SLC8A1: variants seen among roughly 807,000 people sequenced by gnomAD.
The protein encoded by SLC8A1 is solute carrier family 8 member A1, also known as sodium/calcium exchanger 1.
A neutral mutation model predicts 68.3 loss-of-function variants in SLC8A1; 18 were observed. The ratio of observed to expected loss-of-function variants is 0.26; its 90% CI spans 0.18 to 0.39. The LOEUF (loss-of-function observed/expected upper bound fraction) is 0.39. SLC8A1 is among the 10% of genes least tolerant of loss of function. The pLI is 1.00. For missense variants in SLC8A1, 985 were observed against 1,156.7 expected (o/e 0.85, Z 2.15); for synonymous variants, 475 against 415.5 (o/e 1.14, Z -1.74).
chr2:40,117,760 C>A (rs1298513527), intron 7 of SLC8A1, among the ~76,000 whole-genome samples: 1 of 152,130 alleles, frequency 6.6e-6, no homozygotes, highest in Non-Finnish European at 1.5e-5. Flanking sequence ...TGTAGTTGTA[C>A]GATACCTGTA....
At chr2:40,339,647 T>C (rs746563372) in intron 2 of SLC8A1, among the ~76,000 whole-genome samples, 2 of 152,204 alleles carry the variant, frequency 1.3e-5, no homozygotes, top group Non-Finnish European at 2.9e-5. Context: ...TATGATTCCA[T>C]TGTCAATATC....
intron 1 of SLC8A1, among the ~76,000 whole-genome samples, chr2:40,443,994 A>C (rs1189087296): frequency 6.6e-6 from 1 of 152,140 alleles, no homozygotes; most frequent in Non-Finnish European, 1.5e-5. Flanking sequence ...ACCCATCTCA[A>C]ATGTCAAATT....
At chr2:40,210,152 C>G (rs1337295444) in intron 2 of SLC8A1, 1 of 152,148 alleles carries the variant, frequency 6.6e-6, no homozygotes, top group Non-Finnish European at 1.5e-5. Flanking sequence ...TACCAATCAG[C>G]TATGGCTCCA....
chr2:40,338,183 G>A (rs1490481130), intron 2 of SLC8A1, among the ~76,000 whole-genome samples: 1 of 152,060 alleles, frequency 6.6e-6, no homozygotes. Flanking sequence ...TAGTGGGGTA[G>A]CATCATGCAT....
upstream of SLC8A1, among the ~76,000 whole-genome samples, chr2:40,454,456 T>G (rs1702872785): frequency 6.6e-6 from 1 of 151,454 alleles, no homozygotes. Context: ...TATACTCCAG[T>G]GATGCCCAAA....
chr2:40,173,518 C>A (rs1478104618), intron 4 of SLC8A1, among the ~76,000 whole-genome samples: 1 of 152,116 alleles, frequency 6.6e-6, no homozygotes, highest in African/African-American at 2.4e-5. Flanking sequence ...TGGAGAGCAA[C>A]AGCCCATGTG....
intron 2 of SLC8A1, among the ~76,000 whole-genome samples, chr2:40,305,597 C>G (rs1220328506): frequency 6.6e-6 from 1 of 152,138 alleles, no homozygotes; most frequent in Non-Finnish European, 1.5e-5. Context: ...AGTGTGTGCT[C>G]AATAAGTTTG....
chr2:40,232,626 T>A (rs1349188920), intron 2 of SLC8A1, among the ~76,000 whole-genome samples: 3 of 147,762 alleles, frequency 2.0e-5, no homozygotes, highest in African/African-American at 7.5e-5. Flanking sequence ...ATACTTTAAG[T>A]TTTAGGGTAC....
At chr2:40,321,031 C>G (rs897814112) in intron 2 of SLC8A1, among the ~76,000 whole-genome samples, 2 of 152,272 alleles carry the variant, frequency 1.3e-5, no homozygotes, top group South Asian at 2.1e-4. Context: ...AGGCTGTAAA[C>G]TCCCTGAATT....
At chr2:40,241,943 T>C (rs1173466375) in intron 2 of SLC8A1, among the ~76,000 whole-genome samples, 1 of 152,134 alleles carries the variant, frequency 6.6e-6, no homozygotes, top group Non-Finnish European at 1.5e-5. Flanking sequence ...ATATAGAAAA[T>C]ATTAATTATT....
At chr2:40,135,554 C>T (rs536409566) in intron 7 of SLC8A1, among the ~76,000 whole-genome samples, 2 of 152,130 alleles carry the variant, frequency 1.3e-5, no homozygotes, top group East Asian at 3.9e-4. Context: ...CCTCTCTCTA[C>T]TAAAAATACA....
At chr2:40,492,722 C>T (rs1705404801) in intron 1 of SLC8A1, among the ~76,000 whole-genome samples, 1 of 149,050 alleles carries the variant, frequency 6.7e-6, no homozygotes, top group Non-Finnish European at 1.5e-5. Flanking sequence ...GACATTTATG[C>T]AGCCAAAAAA....
At chr2:40,173,124 A>T (rs2047829197) in intron 4 of SLC8A1, among the ~76,000 whole-genome samples, 1 of 152,154 alleles carries the variant, frequency 6.6e-6, no homozygotes, top group African/African-American at 2.4e-5. Flanking sequence ...GGTTGACTTA[A>T]AAACATTATT....
intron 2 of SLC8A1, among the ~76,000 whole-genome samples, chr2:40,385,354 T>C (rs1683225685): frequency 6.8e-6 from 1 of 146,752 alleles, no homozygotes; most frequent in African/African-American, 2.7e-5. Context: ...TTAAAGAAAG[T>C]TGTCTTGAAT....
exon 8 of SLC8A1, chr2:40,100,798 A>G (rs2033848749): frequency 6.6e-6 from 1 of 152,144 alleles, no homozygotes; most frequent in Non-Finnish European, 1.5e-5. Context: ...CACAGATTTT[A>G]AAGCACACGG....
intron 7 of SLC8A1, among the ~76,000 whole-genome samples, chr2:40,135,100 G>GA (rs113621278): frequency 1.3e-5 from 2 of 152,026 alleles, no homozygotes; most frequent in African/African-American, 4.8e-5. Flanking sequence ...TGTGTGGATA[G>GA]AAAAAAAGGC....
At chr2:40,247,145 G>GAATC in intron 2 of SLC8A1, among the ~76,000 whole-genome samples, 1 of 152,224 alleles carries the variant, frequency 6.6e-6, no homozygotes, top group South Asian at 2.1e-4. Flanking sequence ...TGGCACCTTG[G>GAATC]AATCAACTCT....
At chr2:40,237,533 C>T (rs1203271502) in intron 2 of SLC8A1, among the ~76,000 whole-genome samples, 2 of 151,760 alleles carry the variant, frequency 1.3e-5, no homozygotes, top group East Asian at 1.9e-4. Context: ...TTTTCAACTT[C>T]TTTGCCTTTG....
intron 4 of SLC8A1, among the ~76,000 whole-genome samples, chr2:40,165,302 C>T (rs1285817801): frequency 2.6e-5 from 4 of 152,184 alleles, no homozygotes; most frequent in Non-Finnish European, 5.9e-5. Flanking sequence ...AGTCACGCAG[C>T]TATTCCCTGT....
Sources: allele counts gnomAD v4.1 joint callset (sites outside exome capture counted in the v4.1 genomes callset), GRCh38; gene constraint gnomAD v4.1.1; transcripts MANE v1.5; gene names NCBI Gene and HGNC (gene_info 2026-07-23, HGNC 2026-07-21).